IMMP2L: variants seen among roughly 807,000 people sequenced by gnomAD.
The protein encoded by IMMP2L is inner mitochondrial membrane peptidase subunit 2, also known as mitochondrial inner membrane protease subunit 2.
Under a neutral mutation model 19.3 loss-of-function variants are expected in IMMP2L, and 18 were observed. That is an observed-to-expected ratio of 0.93 (90% CI 0.64 to 1.38). The LOEUF (loss-of-function observed/expected upper bound fraction) is 1.38, where lower values mean the gene tolerates loss of function less well. IMMP2L is among the 40% of genes most tolerant of loss of function. The pLI is 0.00. For missense variants in IMMP2L, 233 were observed against 218.2 expected, an observed-to-expected ratio of 1.07 and a Z score of -0.43; for synonymous variants, 76 against 73.0, an observed-to-expected ratio of 1.04 and a Z score of -0.21.
chr7:111,407,504 A>G (rs1224927585), intron 3 of IMMP2L, among the ~76,000 whole-genome samples: 1 of 152,140 alleles, frequency 6.6e-6, no homozygotes, highest in Non-Finnish European at 1.5e-5. Flanking sequence ...ACATACTGTA[A>G]CATGGATGAA....
chr7:110,817,951 C>G (rs1802681602), intron 5 of IMMP2L, among the ~76,000 whole-genome samples: 1 of 152,046 alleles, frequency 6.6e-6, no homozygotes, highest in Non-Finnish European at 1.5e-5. Flanking sequence ...ACACCTTATA[C>G]AAAAATTAAT....
chr7:111,442,776 G>A lies in IMMP2L; in HGVS notation c.239+44462C>T, dbSNP rs1004072551. Reference sequence around the variant, plus strand: ...AGAATTTTCTACAATTCTCTGTTACGAGGTCCTTTGTAAATCACAGGAGAG... The same window carrying A: ...AGAATTTTCTACAATTCTCTGTTACAAGGTCCTTTGTAAATCACAGGAGAG... On this transcript the variant is annotated intron_variant, in intron 3 of 5. Transcript: ENST00000405709. Among the ~76,000 whole-genome samples the A allele has an allele frequency of 2.6e-5, 4 of 151,814 alleles. 1 individual carries two copies. The highest frequency in any genetic ancestry group is 9.7e-5 in the African/African-American group (4 of 41,164).
rs544760197 is a variant in IMMP2L, at chr7:110,842,663, T to C, written c.408+43930A>G. On this transcript the variant is annotated intron_variant, in intron 5 of 5. Transcript: ENST00000405709. ...AGGGAAAGTTAATCAGTTTCCAAAATACTTATTACCTGCTATGCTGAGAAA... is the reference window on the plus strand; with the variant it reads ...AGGGAAAGTTAATCAGTTTCCAAAACACTTATTACCTGCTATGCTGAGAAA... Among the ~76,000 whole-genome samples the C allele has an allele frequency of 7.2e-5, 11 of 152,292 alleles. No individual in the cohort carries two copies. In the South Asian group the frequency reaches 2.3e-3, roughly 32 times the overall value.
At chr7:111,356,419 A>C (rs372894510) in intron 3 of IMMP2L, among the ~76,000 whole-genome samples, 1 of 152,136 alleles carries the variant, frequency 6.6e-6, no homozygotes, top group African/African-American at 2.4e-5. Context: ...GGTGACTTTA[A>C]GTATAAGAAA....
intron 2 of IMMP2L, among the ~76,000 whole-genome samples, chr7:111,516,506 A>G (rs558927707): frequency 6.6e-6 from 1 of 152,226 alleles, no homozygotes; most frequent in South Asian, 2.1e-4. Flanking sequence ...GTGTAAATCT[A>G]AATTTACAAC....
At chr7:111,385,130 T>A (rs1173792981) in intron 3 of IMMP2L, among the ~76,000 whole-genome samples, 1 of 152,022 alleles carries the variant, frequency 6.6e-6, no homozygotes, top group Non-Finnish European at 1.5e-5. Context: ...ATATGTCAAA[T>A]GGTACTACTG....
At chr7:111,028,390 C>T (rs1585834448) in intron 3 of IMMP2L, among the ~76,000 whole-genome samples, 1 of 152,054 alleles carries the variant, frequency 6.6e-6, no homozygotes, top group East Asian at 1.9e-4. Context: ...CTCTCTCTTC[C>T]ACTCTTCAGT....
chr7:110,908,045 C>T (rs1812657091), intron 4 of IMMP2L, among the ~76,000 whole-genome samples: 1 of 152,152 alleles, frequency 6.6e-6, no homozygotes, highest in South Asian at 2.1e-4. Flanking sequence ...TTTTTCTCTG[C>T]AGTTGCACTC....
chr7:111,140,151 C>CA (rs544322810), intron 3 of IMMP2L, among the ~76,000 whole-genome samples: 14 of 152,176 alleles, frequency 9.2e-5, no homozygotes, highest in Middle Eastern at 6.8e-3. Flanking sequence ...AGAGAAAAGA[C>CA]AGAGTTGGGG....
chr7:111,553,247 C>G (rs573517164), intron 1 of IMMP2L, among the ~76,000 whole-genome samples: 38 of 152,048 alleles, frequency 2.5e-4, no homozygotes, highest in Non-Finnish European at 4.7e-4. Flanking sequence ...GATCTGGAAC[C>G]CAGTCTTTAG....
At chr7:110,961,290 T>C (rs926219571) in intron 4 of IMMP2L, among the ~76,000 whole-genome samples, 5 of 152,030 alleles carry the variant, frequency 3.3e-5, no homozygotes, top group African/African-American at 7.2e-5. Flanking sequence ...CATAAAATGA[T>C]GTAGTATTTG....
intron 2 of IMMP2L, among the ~76,000 whole-genome samples, chr7:111,508,151 C>T (rs1206352797): frequency 6.6e-6 from 1 of 150,942 alleles, no homozygotes; most frequent in Admixed American, 6.6e-5. Context: ...TTAAAAGCTA[C>T]AGAAATAAAA....
At chr7:111,403,447 GTATATA>G (rs111864985) in intron 3 of IMMP2L, among the ~76,000 whole-genome samples, 1 of 146,594 alleles carries the variant, frequency 6.8e-6, no homozygotes, top group African/African-American at 2.5e-5. Context: ...TACAGCCCAG[GTATATA>G]TATATATATA....
At chr7:110,999,956 T>C (rs1017934842) in intron 3 of IMMP2L, among the ~76,000 whole-genome samples, 13 of 152,164 alleles carry the variant, frequency 8.5e-5, no homozygotes, top group South Asian at 2.1e-4. Flanking sequence ...ACTCCCTCAA[T>C]TGGCAGAGTA....
intron 3 of IMMP2L, among the ~76,000 whole-genome samples, chr7:111,374,184 G>T (rs37662): frequency 0.23 from 35,364 of 151,962 alleles, 5,839 homozygotes; most frequent in African/African-American, 0.46. Context: ...GATATTGTCA[G>T]GTGTCTATAA....
At chr7:111,336,734 CTTATT>C (rs1343935056) in intron 3 of IMMP2L, among the ~76,000 whole-genome samples, 2 of 151,858 alleles carry the variant, frequency 1.3e-5, no homozygotes, top group Admixed American at 6.6e-5. Flanking sequence ...ATAAAGCACA[CTTATT>C]TTATAGTATT....
chr7:111,483,537 A>G (rs1308199304), intron 3 of IMMP2L: 2 of 152,168 alleles, frequency 1.3e-5, no homozygotes, highest in Non-Finnish European at 1.5e-5. Flanking sequence ...TACTTAAACA[A>G]TAACTCCACT....
intron 5 of IMMP2L, among the ~76,000 whole-genome samples, chr7:110,674,800 C>T (rs1351895464): frequency 6.6e-6 from 1 of 152,190 alleles, no homozygotes; most frequent in Non-Finnish European, 1.5e-5. Context: ...AGTACAAGTA[C>T]TCTACTCTCA....
chr7:110,820,235 T>TGCA (rs1431397050), intron 5 of IMMP2L, among the ~76,000 whole-genome samples: 5 of 152,074 alleles, frequency 3.3e-5, no homozygotes, highest in African/African-American at 9.7e-5. Context: ...CTCTGGGCTT[T>TGCA]GCAGGTGAAA....
Sources: allele counts gnomAD v4.1 joint callset (sites outside exome capture counted in the v4.1 genomes callset), GRCh38; gene constraint gnomAD v4.1.1; transcripts MANE v1.5; gene names NCBI Gene and HGNC (gene_info 2026-07-23, HGNC 2026-07-21).